The following ZNF804A variants were observed in gnomAD, a reference collection of about 807,000 sequenced individuals.
ZNF804A encodes the protein zinc finger protein 804A.
ZNF804A carries 2 observed loss-of-function variants against 16.5 expected under a neutral mutation model. The ratio of observed to expected loss-of-function variants is 0.12; its 90% confidence interval spans 0.05 to 0.38. ZNF804A has a LOEUF of 0.38. ZNF804A is among the 10% of genes least tolerant of loss of function. The probability of loss-of-function intolerance (pLI) is 0.99; values close to 1 mark genes in which losing one functional copy is unlikely to be tolerated. For missense variants in ZNF804A, 1,473 were observed against 1,390.7 expected, an observed-to-expected ratio of 1.06 and a Z score of -0.94; for synonymous variants, 534 against 489.6, an observed-to-expected ratio of 1.09 and a Z score of -1.20.
chr2:184,937,030 G>T lies in ZNF804A; in HGVS notation c.1634G>T (p.Gly545Val). 1.2e-6 allele frequency: 2 copies of T among 1,610,652 alleles called. No individual in the cohort carries two copies. The highest frequency in any genetic ancestry group is 1.7e-6 in the Non-Finnish European group (2 of 1,178,978). The change falls in exon 4 of 4, where the codon GGT (glycine) becomes GTT (valine). Residue 545 changes from glycine (G) to valine (V), a missense_variant. Coordinates refer to ENST00000302277, the MANE Select transcript of ZNF804A (RefSeq NM_194250.2). ...GATTCTGGAAAAAATGAGAACACAGGTCAGAGGTATAAAAACATTTCCTGT... is the reference window on the plus strand; with the variant it reads ...GATTCTGGAAAAAATGAGAACACAGTTCAGAGGTATAAAAACATTTCCTGT... ...SCDSGKNENT[G>V]QRYKNISCKI...
At chr2:184,923,837 T>C (rs1049795665) in intron 2 of ZNF804A, among the ~76,000 whole-genome samples, 1 of 152,040 alleles carries the variant, frequency 6.6e-6, no homozygotes, top group African/African-American at 2.4e-5. Context: ...ATCCTGTTGA[T>C]ATGATGTATC....
intron 1 of ZNF804A, among the ~76,000 whole-genome samples, chr2:184,801,857 T>C (rs775240260): frequency 2.0e-4 from 31 of 152,184 alleles, no homozygotes; most frequent in Non-Finnish European, 3.4e-4. Flanking sequence ...TGTAATTTCT[T>C]ATTGAAATCT....
Position 184,847,487 on chromosome 2 carries a change from C to T in ZNF804A, c.112-18882C>T, listed in dbSNP as rs376917764. Among the ~76,000 whole-genome samples the T allele has an allele frequency of 2.0e-4, 30 of 152,146 alleles. No individual in the cohort carries two copies. The East Asian group carries it at 5.6e-3, about 28-fold the overall frequency. ...CAGAATGACATTTATAATGAGACAA[C>T]AGCAAAGCTTTTTATCACCCAGAAA... On this transcript the variant is annotated intron_variant, in intron 1 of 3. Transcript: ENST00000302277.
chr2:184,695,962 C>G (rs1417053458), intron 1 of ZNF804A, among the ~76,000 whole-genome samples: 1 of 151,996 alleles, frequency 6.6e-6, no homozygotes, highest in Non-Finnish European at 1.5e-5. Context: ...ATCTATAAAT[C>G]AGTTGTAATT....
rs57207733 is a variant in ZNF804A, at chr2:184,783,138, GTTTT to G, written c.112-83209_112-83206del. Among the ~76,000 whole-genome samples the G allele has an allele frequency of 8.2e-3, 703 of 86,078 alleles. 5 individuals carry two copies. The highest frequency in any genetic ancestry group is 0.026 in the Middle Eastern group (2 of 76). The allele number at this position is 86,078 out of a possible 152,430, so 56.5% of individuals were successfully genotyped here. On this transcript the variant is annotated intron_variant, in intron 1 of 3. Coordinates refer to ENST00000302277, the MANE Select transcript of ZNF804A (RefSeq NM_194250.2). ...AAAAAAGAATTATATAAAAGAGTGAGTTTTTTTTTTTTTTTTTTTTTTTTTAGGT... is the reference window on the plus strand; with the variant it reads ...AAAAAAGAATTATATAAAAGAGTGAGTTTTTTTTTTTTTTTTTTTTTAGGT...
chr2:184,618,201 TG>T (rs1363785528), intron 1 of ZNF804A, among the ~76,000 whole-genome samples: 2 of 152,112 alleles, frequency 1.3e-5, no homozygotes, highest in African/African-American at 4.8e-5. Context: ...CCAAATATCA[TG>T]GTTTAATTTG....
At chr2:184,742,387 C>T (rs557947318) in intron 1 of ZNF804A, among the ~76,000 whole-genome samples, 22 of 151,814 alleles carry the variant, frequency 1.4e-4, no homozygotes, top group South Asian at 6.2e-4. Context: ...TGTATTCAGA[C>T]GAAAGTACCT....
chr2:184,902,328 G>A (rs1685200306), intron 2 of ZNF804A: 1 of 155,462 alleles, frequency 6.4e-6, no homozygotes, highest in South Asian at 2.0e-4. Flanking sequence ...AGAATCAGTG[G>A]TCAGGGGGAA....
intron 2 of ZNF804A, chr2:184,902,003 C>A (rs1007488916): frequency 2.6e-5 from 4 of 151,980 alleles, no homozygotes; most frequent in Non-Finnish European, 4.4e-5. Context: ...TCAAATTATA[C>A]TTAAAGACAG....
chr2:184,805,103 C>G (rs1329561942), intron 1 of ZNF804A, among the ~76,000 whole-genome samples: 1 of 152,246 alleles, frequency 6.6e-6, no homozygotes. Context: ...GAGCATTTAT[C>G]TAGATATACT....
intron 1 of ZNF804A, among the ~76,000 whole-genome samples, chr2:184,608,402 A>G (rs745880265): frequency 5.3e-5 from 8 of 152,180 alleles, no homozygotes; most frequent in Non-Finnish European, 8.8e-5. Context: ...AGGACTTTCT[A>G]TCTAGGAGCA....
At chr2:184,701,675 T>C (rs1288201505) in intron 1 of ZNF804A, among the ~76,000 whole-genome samples, 1 of 151,778 alleles carries the variant, frequency 6.6e-6, no homozygotes, top group Non-Finnish European at 1.5e-5. Context: ...AATCAGGTTC[T>C]TTTTTTTCTC....
chr2:184,933,708 G>A lies in ZNF804A; in HGVS notation c.361G>A (p.Ala121Thr), dbSNP rs377410719. 42 of 1,604,486 alleles carry A rather than the reference G, an allele frequency of 2.6e-5. No homozygotes were observed. The highest frequency in any genetic ancestry group is 3.5e-5 in the Non-Finnish European group (41 of 1,177,292). ...GGCACTCCAACGCCTGCACAAGCTG[G>A]CTGAGCTAAGAAAGGAAACTGTATG... ...EKALQRLHKLAELRKETVCAP... is the reference protein window; with the variant it reads ...EKALQRLHKLTELRKETVCAP... The change falls in exon 3 of 4, where the codon GCT becomes ACT. Residue 121 changes from alanine (A) to threonine (T), a missense_variant. Transcript: ENST00000302277.
chr2:184,676,635 T>C (rs1312183998), intron 1 of ZNF804A, among the ~76,000 whole-genome samples: 1 of 151,698 alleles, frequency 6.6e-6, no homozygotes, highest in Non-Finnish European at 1.5e-5. Flanking sequence ...AGTATAAATA[T>C]AATGTTTTTT....
At chr2:184,740,261 G>A (rs76911838) in intron 1 of ZNF804A, among the ~76,000 whole-genome samples, 6,243 of 152,240 alleles carry the variant, frequency 0.041, 421 homozygotes, top group African/African-American at 0.14. Flanking sequence ...AATATCAAAT[G>A]TGACTAGCAC....
chr2:184,898,954 GTAAT>G (rs764917214), intron 2 of ZNF804A, among the ~76,000 whole-genome samples: 8 of 151,910 alleles, frequency 5.3e-5, no homozygotes, highest in Non-Finnish European at 1.2e-4. Flanking sequence ...TCATTATAAT[GTAAT>G]TAATAAGCCT....
chr2:184,668,834 G>C (rs1692294984), intron 1 of ZNF804A, among the ~76,000 whole-genome samples: 1 of 151,972 alleles, frequency 6.6e-6, no homozygotes, highest in Non-Finnish European at 1.5e-5. Context: ...TATAATTTAT[G>C]AATTTAATTC....
In ZNF804A at chr2:184,830,425, G is replaced by T. The variant is rs566484821; in HGVS notation, c.112-35944G>T. Among the ~76,000 whole-genome samples the T allele has an allele frequency of 4.6e-5, 7 of 152,194 alleles. No individual in the cohort carries two copies. In the East Asian group the frequency reaches 1.4e-3, roughly 29 times the overall value. On this transcript the variant is annotated intron_variant, in intron 1 of 3. Coordinates refer to ENST00000302277, the MANE Select transcript of ZNF804A (RefSeq NM_194250.2). ...CACAAGTCTCAGGTTTAATAATAGAGAGATTTTCTTCAGTGGTGAAGTCTG... is the reference window on the plus strand; with the variant it reads ...CACAAGTCTCAGGTTTAATAATAGATAGATTTTCTTCAGTGGTGAAGTCTG...
At chr2:184,667,150 T>A in intron 1 of ZNF804A, among the ~76,000 whole-genome samples, 1 of 152,074 alleles carries the variant, frequency 6.6e-6, no homozygotes, top group East Asian at 1.9e-4. Flanking sequence ...TTTTAGTGCT[T>A]TATACTATAT....
Sources: gnomAD v4.1 joint callset for allele counts (sites outside exome capture counted in the v4.1 genomes callset) on GRCh38, gnomAD v4.1.1 for gene constraint, MANE v1.5 for transcripts, NCBI Gene and HGNC (gene_info 2026-07-23, HGNC 2026-07-21) for gene names.